The following SLC71A2 variants were observed in gnomAD, a reference collection of about 807,000 sequenced individuals.
SLC71A2 encodes solute carrier family 71 member 2.
chr9:94,406,986 G>C, the SLC71A2 span, among the ~76,000 whole-genome samples: 1 of 152,124 alleles, frequency 6.6e-6, no homozygotes, highest in Non-Finnish European at 1.5e-5. Flanking sequence ...TCTTGTTTCT[G>C]ATCTTAGAGG....
At chr9:94,440,276 C>T in the SLC71A2 span, among the ~76,000 whole-genome samples, 2 of 152,108 alleles carry the variant, frequency 1.3e-5, no homozygotes, top group Middle Eastern at 3.4e-3. Context: ...GCCTCAGCCT[C>T]CTGAGTAGCT....
chr9:94,416,681 C>A, the SLC71A2 span, among the ~76,000 whole-genome samples: 1 of 151,922 alleles, frequency 6.6e-6, no homozygotes, highest in East Asian at 1.9e-4. Context: ...ATGGAGAAAC[C>A]CTGTCTCTAC....
the SLC71A2 span, among the ~76,000 whole-genome samples, chr9:94,438,139 T>C: frequency 6.6e-6 from 1 of 152,072 alleles, no homozygotes. Context: ...GGTTTCACCA[T>C]GTTGGCCAGA....
the SLC71A2 span, among the ~76,000 whole-genome samples, chr9:94,415,807 G>C: frequency 3.9e-5 from 6 of 152,184 alleles, no homozygotes; most frequent in African/African-American, 7.2e-5. Context: ...TCGCTCGCCT[G>C]CTGCTCTGTG....
chr9:94,455,454 A>G, the SLC71A2 span, among the ~76,000 whole-genome samples: 1 of 141,402 alleles, frequency 7.1e-6, no homozygotes, highest in African/African-American at 2.6e-5. Context: ...GGCCCAAGCA[A>G]TCCTCCTGCC....
the SLC71A2 span, among the ~76,000 whole-genome samples, chr9:94,424,470 G>A: frequency 6.6e-6 from 1 of 151,970 alleles, no homozygotes; most frequent in East Asian, 1.9e-4. Context: ...CCTGACCTCA[G>A]GTTATCTGCC....
the SLC71A2 span, chr9:94,429,149 T>C: frequency 1.2e-5 from 20 of 1,606,838 alleles, no homozygotes; most frequent in African/African-American, 1.6e-4. Context: ...TCCTTTAACT[T>C]AAATTTGAAT....
the SLC71A2 span, chr9:94,415,298 T>G: frequency 2.2e-6 from 3 of 1,377,514 alleles, no homozygotes; most frequent in Non-Finnish European, 3.1e-6. Flanking sequence ...GAGAAAGAGA[T>G]AAGTTCTTAG....
the SLC71A2 span, chr9:94,446,818 C>G: frequency 2.7e-6 from 4 of 1,505,468 alleles, no homozygotes; most frequent in Non-Finnish European, 3.7e-6. Flanking sequence ...TCTGCTTATT[C>G]TCAGTCGTTG....
the SLC71A2 span, among the ~76,000 whole-genome samples, chr9:94,457,432 A>G: frequency 6.7e-6 from 1 of 149,048 alleles, no homozygotes; most frequent in South Asian, 2.2e-4. Flanking sequence ...ACTATATTGG[A>G]AAGGATGGTT....
At chr9:94,409,129 CTTTTT>C in the SLC71A2 span, among the ~76,000 whole-genome samples, 2,921 of 68,132 alleles carry the variant, frequency 0.043, 63 homozygotes, top group South Asian at 0.063. Context: ...GCCCGGCCTC[CTTTTT>C]TTTTTTTTTT....
the SLC71A2 span, among the ~76,000 whole-genome samples, chr9:94,410,604 G>T: frequency 6.6e-6 from 1 of 152,070 alleles, no homozygotes; most frequent in Non-Finnish European, 1.5e-5. Flanking sequence ...CAATATGAAA[G>T]ATTAAAGTCA....
At chr9:94,442,576 T>A in the SLC71A2 span, among the ~76,000 whole-genome samples, 1 of 152,000 alleles carries the variant, frequency 6.6e-6, no homozygotes, top group Non-Finnish European at 1.5e-5. Flanking sequence ...ATAGGCCGGG[T>A]GCGGTGGCTC....
the SLC71A2 span, among the ~76,000 whole-genome samples, chr9:94,434,805 G>A: frequency 6.6e-6 from 1 of 152,040 alleles, no homozygotes; most frequent in African/African-American, 2.4e-5. Flanking sequence ...CCTTTCATAG[G>A]TAAGTAAATT....
chr9:94,457,022 A>G, the SLC71A2 span, among the ~76,000 whole-genome samples: 3 of 133,390 alleles, frequency 2.2e-5, no homozygotes, highest in Non-Finnish European at 4.6e-5. Flanking sequence ...GCTGGAGTGT[A>G]GTGGTACAAT....
the SLC71A2 span, chr9:94,445,240 G>C: frequency 1.3e-5 from 18 of 1,410,216 alleles, no homozygotes; most frequent in Non-Finnish European, 1.6e-5. Flanking sequence ...CCAAGCAAAT[G>C]AAAGTATGTA....
the SLC71A2 span, among the ~76,000 whole-genome samples, chr9:94,448,928 C>A: frequency 6.6e-6 from 1 of 152,152 alleles, no homozygotes; most frequent in Non-Finnish European, 1.5e-5. Flanking sequence ...CCACTACACC[C>A]GATCTTTCCC....
chr9:94,434,224 T>C, the SLC71A2 span, among the ~76,000 whole-genome samples: 1 of 152,226 alleles, frequency 6.6e-6, no homozygotes, highest in Non-Finnish European at 1.5e-5. Context: ...ACAACTATTA[T>C]GACCAAATTT....
At chr9:94,397,049 C>T in the SLC71A2 span, among the ~76,000 whole-genome samples, 10 of 152,204 alleles carry the variant, frequency 6.6e-5, no homozygotes, top group African/African-American at 1.7e-4. Context: ...GGATTATAGG[C>T]GTGAGCCACC....
Sources: allele counts gnomAD v4.1 joint callset (sites outside exome capture counted in the v4.1 genomes callset), GRCh38; gene constraint gnomAD v4.1.1; transcripts MANE v1.5; gene names NCBI Gene and HGNC (gene_info 2026-07-23, HGNC 2026-07-21).